Variants in APPBP2 observed in about 807,000 individuals in gnomAD.
APPBP2 encodes amyloid protein-binding protein 2.
APPBP2 carries 15 observed loss-of-function variants against 76.0 expected under a neutral mutation model. The observed-to-expected ratio is 0.20, with a 90% CI of 0.13 to 0.30. The LOEUF (loss-of-function observed/expected upper bound fraction) is 0.30. Ranked by LOEUF, APPBP2 falls within the 10% of genes least tolerant of loss-of-function variation. APPBP2 has a pLI of 1.00. For synonymous variants in APPBP2, 222 were observed against 242.2 expected (o/e 0.92, Z 0.77); for missense variants, 401 against 687.2 (o/e 0.58, Z 4.66).
chr17:60,450,469 C>T (rs1027049823), intron 12 of APPBP2, among the ~76,000 whole-genome samples: 3 of 147,996 alleles, frequency 2.0e-5, no homozygotes, highest in Non-Finnish European at 4.5e-5. Flanking sequence ...ACTGATGCAT[C>T]TGATTACATT....
chr17:60,512,409 T>C (rs1041626115), intron 1 of APPBP2, among the ~76,000 whole-genome samples: 3 of 152,086 alleles, frequency 2.0e-5, no homozygotes, highest in African/African-American at 7.2e-5. Flanking sequence ...CTTCCTATAT[T>C]GCATATAGAA....
At chr17:60,487,016 T>C (rs1469920220) in intron 3 of APPBP2, among the ~76,000 whole-genome samples, 2 of 152,232 alleles carry the variant, frequency 1.3e-5, no homozygotes. Context: ...ATGTTGAATA[T>C]TGGCCCCCAC....
intron 3 of APPBP2, among the ~76,000 whole-genome samples, chr17:60,484,948 C>T (rs1382726177): frequency 1.3e-5 from 2 of 152,094 alleles, no homozygotes; most frequent in Non-Finnish European, 2.9e-5. Context: ...GCCTTTCCTG[C>T]CTCTATTGAG....
chr17:60,474,207 G>A (rs1053645083), intron 4 of APPBP2, among the ~76,000 whole-genome samples: 9 of 147,696 alleles, frequency 6.1e-5, no homozygotes, highest in African/African-American at 2.2e-4. Flanking sequence ...AGTTTTGCTC[G>A]TCGCCCAGGT....
chr17:60,491,900 G>T (rs1029413765), intron 3 of APPBP2, among the ~76,000 whole-genome samples: 1 of 152,228 alleles, frequency 6.6e-6, no homozygotes. Context: ...TAATCTCCAA[G>T]ACAATGGAGA....
rs189355279 is a variant in APPBP2, at chr17:60,525,586, G to A, written c.138+208C>T. 2.0e-5 allele frequency among the ~76,000 whole-genome samples: 3 copies of A among 152,328 alleles called. No individual in the cohort carries two copies. In the East Asian group the frequency reaches 5.8e-4, roughly 29 times the overall value. On this transcript the variant is annotated intron_variant, in intron 1 of 12. Coordinates refer to ENST00000083182, the MANE Select transcript of APPBP2 (RefSeq NM_006380.5). ...ACCAACAGGGAGCAAGACTCCCCAAGATTACTTCAAGGCCCCAAAGCTTAA... is the reference window on the plus strand; with the variant it reads ...ACCAACAGGGAGCAAGACTCCCCAAAATTACTTCAAGGCCCCAAAGCTTAA...
chr17:60,475,454 G>A (rs752622033), intron 4 of APPBP2, among the ~76,000 whole-genome samples: 18 of 151,966 alleles, frequency 1.2e-4, no homozygotes, highest in Non-Finnish European at 2.1e-4. Context: ...CCTCAGATAC[G>A]GTACATGGAG....
chr17:60,489,208 C>T (rs531407843), intron 3 of APPBP2, among the ~76,000 whole-genome samples: 1 of 150,096 alleles, frequency 6.7e-6, no homozygotes, highest in Non-Finnish European at 1.5e-5. Flanking sequence ...GGCGACAGTA[C>T]AAGACTCTGT....
chr17:60,505,416 C>T (rs891120780), intron 1 of APPBP2, among the ~76,000 whole-genome samples: 5 of 152,206 alleles, frequency 3.3e-5, no homozygotes, highest in African/African-American at 9.7e-5. Flanking sequence ...CCCGCGTTCA[C>T]GCCATTCTCC....
intron 1 of APPBP2, among the ~76,000 whole-genome samples, chr17:60,516,664 A>C (rs769674048): frequency 6.6e-6 from 1 of 152,192 alleles, no homozygotes; most frequent in Non-Finnish European, 1.5e-5. Flanking sequence ...GCTATTATGA[A>C]TAGCAGTGCT....
chr17:60,501,700 T>C (rs1466206577), intron 1 of APPBP2, among the ~76,000 whole-genome samples: 1 of 152,216 alleles, frequency 6.6e-6, no homozygotes, highest in Non-Finnish European at 1.5e-5. Flanking sequence ...CAGGATTTAT[T>C]TGACTTTATA....
chr17:60,511,591 A>G (rs1006116896), intron 1 of APPBP2, among the ~76,000 whole-genome samples: 38 of 151,820 alleles, frequency 2.5e-4, no homozygotes, highest in Non-Finnish European at 4.6e-4. Flanking sequence ...TGAAAAAAAA[A>G]AAAAAGAAAA....
intron 3 of APPBP2, among the ~76,000 whole-genome samples, chr17:60,489,114 C>T (rs1001759312): frequency 2.6e-5 from 4 of 151,748 alleles, no homozygotes; most frequent in Admixed American, 6.6e-5. Context: ...CCCAGCTACT[C>T]GGGAGGCTGA....
At chr17:60,489,340 G>T (rs1248955288) in intron 3 of APPBP2, among the ~76,000 whole-genome samples, 1 of 152,248 alleles carries the variant, frequency 6.6e-6, no homozygotes, top group East Asian at 1.9e-4. Context: ...GCCAGGCACG[G>T]TGCCTCAGGC....
intron 3 of APPBP2, among the ~76,000 whole-genome samples, chr17:60,493,453 T>G (rs1462380981): frequency 6.6e-6 from 1 of 152,196 alleles, no homozygotes. Context: ...TCTACATGTA[T>G]AGCACACAAA....
At chr17:60,505,354 C>T (rs919141645) in intron 1 of APPBP2, among the ~76,000 whole-genome samples, 2 of 152,228 alleles carry the variant, frequency 1.3e-5, no homozygotes, top group African/African-American at 2.4e-5. Context: ...CTCGCTCTGT[C>T]GCCTAGGTTG....
intron 12 of APPBP2, among the ~76,000 whole-genome samples, chr17:60,450,264 C>T (rs567953053): frequency 1.5e-4 from 22 of 151,678 alleles, no homozygotes; most frequent in African/African-American, 5.1e-4. Context: ...TGCTGAAACA[C>T]CGTCTCTACT....
At chr17:60,463,190 T>C (rs1351325475) in intron 6 of APPBP2, among the ~76,000 whole-genome samples, 3 of 152,140 alleles carry the variant, frequency 2.0e-5, no homozygotes, top group African/African-American at 7.2e-5. Context: ...TAGTTGAATT[T>C]CCATAAGTAA....
chr17:60,479,305 T>G (rs2090613076), intron 3 of APPBP2, 34 bp from the exon 4 acceptor site: 2 of 1,577,192 alleles, frequency 1.3e-6, no homozygotes, highest in Non-Finnish European at 1.7e-6. Flanking sequence ...TTTAGAAAAC[T>G]TGATAAATAG....
Sources: gnomAD v4.1 joint callset for allele counts (sites outside exome capture counted in the v4.1 genomes callset) on GRCh38, gnomAD v4.1.1 for gene constraint, MANE v1.5 for transcripts, NCBI Gene and HGNC (gene_info 2026-07-23, HGNC 2026-07-21) for gene names.